TIAM2: variants seen among roughly 807,000 people sequenced by gnomAD.
TIAM2 encodes the protein rho guanine nucleotide exchange factor TIAM2.
Under a neutral mutation model 152.9 loss-of-function variants are expected in TIAM2, and 80 were observed. The observed-to-expected ratio is 0.52, with a 90% CI of 0.44 to 0.63. TIAM2 has a LOEUF of 0.63. Among genes scored for constraint, TIAM2 ranks in the 30% least tolerant of loss-of-function variants. The pLI is 0.00. For synonymous variants in TIAM2, 804 were observed against 838.0 expected, an observed-to-expected ratio of 0.96 and a Z score of 0.70; for missense variants, 1,965 against 2,120.1, an observed-to-expected ratio of 0.93 and a Z score of 1.44.
intron 1 of TIAM2, among the ~76,000 whole-genome samples, chr6:155,056,844 C>T (rs779351139): frequency 4.0e-5 from 6 of 151,770 alleles, no homozygotes; most frequent in Non-Finnish European, 7.4e-5. Flanking sequence ...TCCCTAATGT[C>T]CTTTTTCTGT....
At chr6:155,232,231 A>C (rs1354882482) in intron 15 of TIAM2, among the ~76,000 whole-genome samples, 1 of 151,856 alleles carries the variant, frequency 6.6e-6, no homozygotes, top group Non-Finnish European at 1.5e-5. Flanking sequence ...CGAAGTTCAG[A>C]GTGAGTTGAG....
At chr6:155,138,396 GTC>G (rs1298765997) in intron 5 of TIAM2, among the ~76,000 whole-genome samples, 1 of 150,662 alleles carries the variant, frequency 6.6e-6, no homozygotes, top group African/African-American at 2.4e-5. Context: ...TATGAACAAA[GTC>G]TGTTTGTTGT....
intron 2 of TIAM2, among the ~76,000 whole-genome samples, chr6:155,118,450 T>G (rs1779068210): frequency 7.4e-6 from 1 of 135,902 alleles, no homozygotes; most frequent in Non-Finnish European, 1.6e-5. Flanking sequence ...TTTTTTTTTT[T>G]GAGACGGAGT....
rs116148817 is a variant in TIAM2, at chr6:155,034,215, C to A, written c.-209+38723C>A. On this transcript the variant is annotated intron_variant, in intron 1 of 26. Coordinates refer to ENST00000682666, the MANE Select transcript of TIAM2 (RefSeq NM_012454.4). ...CAGTTTCTGCCCAGTCAATATAACT[C>A]TAGTTGAGACCTCTCTTCTGGGGTC... is the stretch of plus-strand genomic sequence containing the variant. Among the ~76,000 whole-genome samples, 640 of 152,116 alleles carry A rather than the reference C, an allele frequency of 4.2e-3. 9 individuals are homozygous for A. The highest frequency in any genetic ancestry group is 0.015 in the African/African-American group (615 of 41,472).
Position 155,111,868 on chromosome 6 carries a change from CTT to C in TIAM2, c.-117-15620_-117-15619del, listed in dbSNP as rs751331972. On this transcript the variant is annotated intron_variant, in intron 2 of 26. Transcript: ENST00000682666. ...CTCTGCTCCCCTTTATAGTAAAACT[CTT>C]TGAATGAGCTGTCCCTATTCACTCC... 5.1e-4 allele frequency among the ~76,000 whole-genome samples: 78 copies of C among 152,278 alleles called. 1 individual carries two copies. The Middle Eastern group carries it at 0.01, about 20-fold the overall frequency.
At chr6:155,097,656 G>A (rs1778446932) in intron 2 of TIAM2, among the ~76,000 whole-genome samples, 1 of 152,158 alleles carries the variant, frequency 6.6e-6, no homozygotes, top group African/African-American at 2.4e-5. Context: ...GAGCTTTTTA[G>A]CTTGATGTAA....
At chr6:155,206,961 G>T (rs1363575808) in intron 14 of TIAM2, among the ~76,000 whole-genome samples, 1 of 152,188 alleles carries the variant, frequency 6.6e-6, no homozygotes, top group Non-Finnish European at 1.5e-5. Flanking sequence ...CTGAGTTCAG[G>T]GTGGGCAGGA....
chr6:155,151,972 G>C (rs991931777), intron 7 of TIAM2, among the ~76,000 whole-genome samples: 1 of 151,372 alleles, frequency 6.6e-6, no homozygotes, highest in Non-Finnish European at 1.5e-5. Context: ...AGCCTCCTGA[G>C]TAGCTGGGAT....
rs541561596 is a variant in TIAM2, at chr6:155,098,476, A to G, written c.-118+8097A>G. Among the ~76,000 whole-genome samples the G allele has an allele frequency of 2.0e-4, 31 of 152,198 alleles. 1 individual carries two copies. In the South Asian group the frequency reaches 3.9e-3, roughly 19 times the overall value. On this transcript the variant is annotated intron_variant, in intron 2 of 26. Coordinates refer to ENST00000682666, the MANE Select transcript of TIAM2 (RefSeq NM_012454.4). Reference sequence around the variant, plus strand: ...ATTGCCTACTTGATTTCATTTTCATATTGTTCGCTGTTGGCATATATAGAT... The same window carrying G: ...ATTGCCTACTTGATTTCATTTTCATGTTGTTCGCTGTTGGCATATATAGAT...
At chr6:155,187,573 C>CCTTTTT (rs1189509294) in intron 14 of TIAM2, among the ~76,000 whole-genome samples, 142 of 49,668 alleles carry the variant, frequency 2.9e-3, no homozygotes, top group East Asian at 3.9e-3. Flanking sequence ...ACCCCGCCCC[C>CCTTTTT]TTTTTTTTTT....
chr6:155,176,523 C>T (rs2220228), intron 9 of TIAM2, among the ~76,000 whole-genome samples: 16,310 of 152,246 alleles, frequency 0.11, 1,133 homozygotes, highest in East Asian at 0.29. Flanking sequence ...CGTGAGCCAC[C>T]GTTCCCAGCC....
At chr6:155,067,487 A>G (rs13211274) in intron 1 of TIAM2, among the ~76,000 whole-genome samples, 53,827 of 151,936 alleles carry the variant, frequency 0.35, 10,323 homozygotes, top group Middle Eastern at 0.48. Context: ...AAATCTGGAA[A>G]GTTCCCACAG....
chr6:155,135,895 T>A (rs1475361552), intron 4 of TIAM2, among the ~76,000 whole-genome samples: 1 of 152,062 alleles, frequency 6.6e-6, no homozygotes, highest in Non-Finnish European at 1.5e-5. Context: ...GTAAGAAATA[T>A]TAATTATGAA....
At chr6:155,139,718 T>A (rs980820374) in intron 5 of TIAM2, among the ~76,000 whole-genome samples, 4 of 152,042 alleles carry the variant, frequency 2.6e-5, no homozygotes, top group African/African-American at 9.7e-5. Context: ...GGCGGGTGGA[T>A]CTCCTGAGGT....
intron 9 of TIAM2, among the ~76,000 whole-genome samples, chr6:155,173,661 G>T (rs116771477): frequency 6.6e-6 from 1 of 152,124 alleles, no homozygotes; most frequent in East Asian, 1.9e-4. Flanking sequence ...GTGTGTCCTG[G>T]GTGTGGGACG....
chr6:155,168,987 T>C lies in TIAM2; in HGVS notation c.2361+3578T>C. The C allele has an allele frequency of 2.2e-6, 3 of 1,361,884 alleles. No individual in the cohort carries two copies. In the South Asian group the frequency reaches 4.1e-5, roughly 19 times the overall value. 84.4% of individuals were successfully genotyped at this position (1,361,884 alleles called of 1,614,324 possible). On this transcript the variant is annotated intron_variant, in intron 9 of 26. Coordinates refer to ENST00000682666, the MANE Select transcript of TIAM2 (RefSeq NM_012454.4). ...CACAAATGCTAACTTTTTCTGTTTT[T>C]TTTTGTTTGTTTTTGTTTTTGTTTT...
Position 155,129,632 on chromosome 6 carries a change from C to T in TIAM2, c.409C>T (p.Leu137Phe). The T allele has an allele frequency of 6.2e-7, 1 of 1,614,090 alleles. No individual in the cohort carries two copies. The highest frequency in any genetic ancestry group is 8.5e-7 in the Non-Finnish European group (1 of 1,180,028). The part of the protein sequence containing the change: ...HITSRDCNGH[L>F]LNCYGRNESI... ...CACCTCCAGAGACTGCAACGGACACCTTCTCAACTGCTACGGGAGGAATGA... is the reference window on the plus strand; with the variant it reads ...CACCTCCAGAGACTGCAACGGACACTTTCTCAACTGCTACGGGAGGAATGA... Residue 137 changes from leucine (L) to phenylalanine (F), a missense_variant, in exon 4 of 27, where the codon CTT becomes TTT. By Grantham distance (22) the Leu-to-Phe change is conservative. Transcript: ENST00000682666. This position sits in a 1 kb window ranked among gnomAD's most constrained non-coding sequence, Gnocchi z 4.8.
intron 1 of TIAM2, among the ~76,000 whole-genome samples, chr6:155,027,402 T>A (rs1027480428): frequency 1.6e-5 from 2 of 122,650 alleles, no homozygotes; most frequent in African/African-American, 6.7e-5. Flanking sequence ...ATATACTATA[T>A]ATAATATATA....
rs554148188 is a variant in TIAM2 at position 155,156,573 on chromosome 6, G to A, written c.2029-7842G>A. Among the ~76,000 whole-genome samples the A allele has an allele frequency of 1.8e-4, 27 of 152,166 alleles. No homozygotes were observed. In the South Asian group the frequency reaches 4.4e-3, roughly 25 times the overall value. On this transcript the variant is annotated intron_variant, in intron 7 of 26. Coordinates refer to ENST00000682666, the MANE Select transcript of TIAM2 (RefSeq NM_012454.4). The surrounding 1 kb of genome is among the most constrained non-coding windows in gnomAD (Gnocchi z 4.4). ...CTCGGGAGGCTGAGGCAGGAGAATCGCTTGAACCCAGGAAGCAGAGGTTTC... is the reference window on the plus strand; with the variant it reads ...CTCGGGAGGCTGAGGCAGGAGAATCACTTGAACCCAGGAAGCAGAGGTTTC...
Sources: gnomAD v4.1 joint callset for allele counts (sites outside exome capture counted in the v4.1 genomes callset) on GRCh38, gnomAD v4.1.1 for gene constraint, Gnocchi (gnomAD v3.1) non-coding constraint, MANE v1.5 for transcripts, NCBI Gene and HGNC (gene_info 2026-07-23, HGNC 2026-07-21) for gene names.